The following GRM1 variants were observed in gnomAD, a reference collection of about 807,000 sequenced individuals.
The protein encoded by GRM1 is metabotropic glutamate receptor 1.
GRM1 carries 33 observed loss-of-function variants against 90.9 expected under a neutral mutation model. The observed-to-expected ratio is 0.36, with a 90% CI of 0.28 to 0.49. The LOEUF (loss-of-function observed/expected upper bound fraction) is 0.49. Among genes scored for constraint, GRM1 ranks in the 20% least tolerant of loss-of-function variants. GRM1 has a pLI of 0.99. For missense variants in GRM1, 1,190 were observed against 1,534.3 expected (o/e 0.78, Z 3.75); for synonymous variants, 700 against 613.2 (o/e 1.14, Z -2.09).
At chr6:146,360,130 G>T (rs1313427137) in intron 5 of GRM1, among the ~76,000 whole-genome samples, 2 of 152,168 alleles carry the variant, frequency 1.3e-5, no homozygotes, top group Non-Finnish European at 2.9e-5. Context: ...CAAGGTGATT[G>T]TAGGACATAC....
Position 146,041,541 on chromosome 6 carries a change from G to C in GRM1, c.700+11324G>C, listed in dbSNP as rs528474574. 6.3e-4 allele frequency among the ~76,000 whole-genome samples: 96 copies of C among 152,070 alleles called. No individual in the cohort carries two copies. In the South Asian group the frequency reaches 6.8e-3, roughly 11 times the overall value. On this transcript the variant is annotated intron_variant, in intron 1 of 7. Coordinates refer to ENST00000282753, the MANE Select transcript of GRM1 (RefSeq NM_001278064.2). ...GAAGCACTGCCCATTCTGGATTGGG[G>C]AGAGGGGTCTCCAAGAGAATTTCTC... is the stretch of plus-strand genomic sequence containing the variant.
chr6:146,326,513 GA>G (rs1183286298), intron 3 of GRM1, among the ~76,000 whole-genome samples: 1 of 151,936 alleles, frequency 6.6e-6, no homozygotes, highest in East Asian at 1.9e-4. Context: ...CCTGGCTGGT[GA>G]AATAATCTGT....
chr6:146,233,439 T>C (rs1780513910), intron 2 of GRM1, among the ~76,000 whole-genome samples: 1 of 152,112 alleles, frequency 6.6e-6, no homozygotes, highest in Non-Finnish European at 1.5e-5. Flanking sequence ...GAGAGCTGAC[T>C]GTTGAACATT....
intron 1 of GRM1, among the ~76,000 whole-genome samples, chr6:146,112,306 A>G (rs1161839904): frequency 6.6e-6 from 1 of 151,868 alleles, no homozygotes; most frequent in African/African-American, 2.4e-5. Flanking sequence ...CAACACAAGT[A>G]TAAGGAATGA....
chr6:146,379,570 G>A (rs1484244771), intron 5 of GRM1, among the ~76,000 whole-genome samples: 1 of 151,776 alleles, frequency 6.6e-6, no homozygotes, highest in Non-Finnish European at 1.5e-5. Context: ...TCCAAGATTG[G>A]TTTCCGGTGT....
chr6:146,414,335 T>C (rs1022079535), intron 7 of GRM1, among the ~76,000 whole-genome samples: 3 of 151,428 alleles, frequency 2.0e-5, no homozygotes, highest in Admixed American at 2.0e-4. Flanking sequence ...TTTTGTGAAA[T>C]ATCTATCCAA....
intron 1 of GRM1, among the ~76,000 whole-genome samples, chr6:146,099,572 G>A (rs778922388): frequency 7.9e-5 from 12 of 152,064 alleles, no homozygotes; most frequent in Admixed American, 3.9e-4. Flanking sequence ...TAGTGTTAAT[G>A]TCTTCTCTTA....
intron 3 of GRM1, among the ~76,000 whole-genome samples, chr6:146,306,350 G>A (rs765693802): frequency 6.6e-6 from 1 of 152,124 alleles, no homozygotes; most frequent in Non-Finnish European, 1.5e-5. Flanking sequence ...GCAAAACAGA[G>A]GTGATGAGGG....
intron 2 of GRM1, among the ~76,000 whole-genome samples, chr6:146,294,509 T>C (rs923032671): frequency 3.3e-5 from 5 of 151,902 alleles, no homozygotes; most frequent in Non-Finnish European, 5.9e-5. Context: ...TAAATTTCCA[T>C]GTATGCCATC....
At chr6:146,393,047 C>T (rs778366537) in intron 6 of GRM1, among the ~76,000 whole-genome samples, 17 of 151,998 alleles carry the variant, frequency 1.1e-4, no homozygotes, top group Non-Finnish European at 2.2e-4. Context: ...GAGGATATAC[C>T]CAGTAATGGG....
At chr6:146,123,371 A>G (rs1252757420) in intron 1 of GRM1, among the ~76,000 whole-genome samples, 1 of 152,146 alleles carries the variant, frequency 6.6e-6, no homozygotes, top group African/African-American at 2.4e-5. Flanking sequence ...AGGCAGAGAG[A>G]GTGCATGTTT....
chr6:146,240,002 C>T (rs1273605250), intron 2 of GRM1, among the ~76,000 whole-genome samples: 1 of 152,088 alleles, frequency 6.6e-6, no homozygotes, highest in Non-Finnish European at 1.5e-5. Flanking sequence ...CCATCTGTTC[C>T]TCACTGTCCA....
Position 146,029,327 on chromosome 6 carries a change from G to C in GRM1, c.-191G>C, listed in dbSNP as rs980058493. 1.6e-6 allele frequency: 1 copy of C among 626,436 alleles called. No individual in the cohort carries two copies. Among genetic ancestry groups the C allele is most frequent in the Non-Finnish European group, 2.8e-6 (1 of 351,566 alleles). 38.8% of individuals were successfully genotyped at this position (626,436 alleles called of 1,614,324 possible). ...TCCAGCTTGTAGAGGCGGTCGTGGA[G>C]GACCCAGAGGAGGAGACGAAGGGGA... On this transcript the variant is annotated 5_prime_UTR_variant, in exon 1 of 8. Coordinates refer to ENST00000282753, the MANE Select transcript of GRM1 (RefSeq NM_001278064.2).
chr6:146,217,368 C>T (rs1186819036), intron 2 of GRM1, among the ~76,000 whole-genome samples: 2 of 152,162 alleles, frequency 1.3e-5, no homozygotes, highest in Non-Finnish European at 2.9e-5. Context: ...ATTGACTTCA[C>T]TTGCGTTCTT....
chr6:146,192,447 C>G (rs1455392612), intron 2 of GRM1, among the ~76,000 whole-genome samples: 1 of 152,160 alleles, frequency 6.6e-6, no homozygotes, highest in Non-Finnish European at 1.5e-5. Flanking sequence ...TCAGGTTCCT[C>G]ATATGTCAAT....
At chr6:146,096,652 A>G (rs551097668) in intron 1 of GRM1, among the ~76,000 whole-genome samples, 1 of 152,306 alleles carries the variant, frequency 6.6e-6, no homozygotes, top group East Asian at 1.9e-4. Flanking sequence ...ATGACCAGGC[A>G]GACAACTGTT....
chr6:146,296,312 A>G (rs1427749710), intron 2 of GRM1, among the ~76,000 whole-genome samples: 1 of 152,232 alleles, frequency 6.6e-6, no homozygotes, highest in Non-Finnish European at 1.5e-5. Flanking sequence ...CTAATCCTTT[A>G]TATTTATGGA....
At chr6:146,089,258 C>T (rs1776640647) in intron 1 of GRM1, among the ~76,000 whole-genome samples, 1 of 152,102 alleles carries the variant, frequency 6.6e-6, no homozygotes, top group Admixed American at 6.6e-5. Flanking sequence ...CAAGAACCAG[C>T]AAGAAGCCAG....
intron 3 of GRM1, among the ~76,000 whole-genome samples, chr6:146,313,936 A>G (rs1449566547): frequency 1.3e-5 from 2 of 151,732 alleles, no homozygotes; most frequent in Non-Finnish European, 2.9e-5. Context: ...ATACTTTAAT[A>G]TAAATTGAAT....
Sources: gnomAD v4.1 joint callset for allele counts (sites outside exome capture counted in the v4.1 genomes callset) on GRCh38, gnomAD v4.1.1 for gene constraint, MANE v1.5 for transcripts, NCBI Gene and HGNC (gene_info 2026-07-23, HGNC 2026-07-21) for gene names.